ERAP1: variants seen among roughly 807,000 people sequenced by gnomAD.
ERAP1 encodes endoplasmic reticulum aminopeptidase 1.
A neutral mutation model predicts 103.7 loss-of-function variants in ERAP1; 86 were observed. The observed-to-expected ratio is 0.83, with a 90% CI of 0.70 to 0.99. The LOEUF (loss-of-function observed/expected upper bound fraction) is 0.99, where lower values mean the gene tolerates loss of function less well. Among genes scored for constraint, ERAP1 ranks in the 50% least tolerant of loss-of-function variants. The pLI is 0.00. For missense variants in ERAP1, 1,009 were observed against 1,128.4 expected, an observed-to-expected ratio of 0.89 and a Z score of 1.52; for synonymous variants, 398 against 402.4, an observed-to-expected ratio of 0.99 and a Z score of 0.13.
chr5:96,868,370 A>G, the ERAP1 span, among the ~76,000 whole-genome samples: 2 of 152,206 alleles, frequency 1.3e-5, no homozygotes, highest in African/African-American at 4.8e-5. Flanking sequence ...CCACTCCTTC[A>G]GTAGAGCATT....
chr5:96,917,655 C>T, the ERAP1 span: 5 of 1,491,664 alleles, frequency 3.4e-6, no homozygotes, highest in Non-Finnish European at 4.6e-6. Flanking sequence ...GCCTGTAATC[C>T]CAGCACTTTG....
rs771845247 is a variant in ERAP1, at chr5:96,803,709, G to T, written c.218C>A (p.Thr73Lys). The change falls in exon 2 of 19, where the codon ACG (threonine) becomes AAG (lysine). Residue 73 changes from threonine (T) to lysine (K), a missense_variant. Around this residue, in one of 3 missense-constraint regions of ERAP1, gnomAD observed 392 missense variants for 455.2 expected, o/e 0.86. Transcript: ENST00000443439. ...TTTCGTGGTTCCCCAGAAGGTCAGCGTGGTAAGGTTTGCATGGATCAAGAG... is the reference window on the plus strand; with the variant it reads ...TTTCGTGGTTCCCCAGAAGGTCAGCTTGGTAAGGTTTGCATGGATCAAGAG... ...YDLLIHANLT[T>K]LTFWGTTKVE... 3.7e-6 allele frequency: 6 copies of T among 1,614,096 alleles called. No individual in the cohort carries two copies. The highest frequency in any genetic ancestry group is 5.1e-6 in the Non-Finnish European group (6 of 1,180,052).
chr5:96,909,645 C>G, the ERAP1 span: 1 of 1,614,210 alleles, frequency 6.2e-7, no homozygotes, highest in Admixed American at 1.7e-5. Flanking sequence ...AGGGCTCAGT[C>G]TGGGACAGGA....
chr5:96,866,793 A>C, the ERAP1 span, among the ~76,000 whole-genome samples: 1 of 152,184 alleles, frequency 6.6e-6, no homozygotes, highest in African/African-American at 2.4e-5. Flanking sequence ...AAACAGGAGA[A>C]GAAGAAGTCA....
chr5:96,896,241 A>C, the ERAP1 span: 1 of 694,572 alleles, frequency 1.4e-6, no homozygotes, highest in Non-Finnish European at 2.3e-6. Flanking sequence ...TACATACAAG[A>C]AAAGAAACAT....
intron 1 of ERAP1, chr5:96,804,588 T>G (rs1025555695): frequency 6.5e-6 from 1 of 154,754 alleles, no homozygotes; most frequent in Non-Finnish European, 1.4e-5. Flanking sequence ...TTAAAGAGCT[T>G]AATTTTCCCA....
chr5:96,816,613 A>G, the ERAP1 span, among the ~76,000 whole-genome samples: 2 of 152,126 alleles, frequency 1.3e-5, no homozygotes, highest in Admixed American at 6.5e-5. Flanking sequence ...GGCACCTCCC[A>G]CCATGGGTTT....
rs894057539 is a variant in ERAP1 at position 96,775,815 on chromosome 5, T to G, written c.*581A>C. The G allele has an allele frequency of 4.2e-5, 15 of 359,054 alleles. No homozygotes were observed. Among genetic ancestry groups the G allele is most frequent in the Admixed American group, 6.3e-5 (1 of 15,940 alleles). 22.2% of individuals were successfully genotyped at this position (359,054 alleles called of 1,614,324 possible). Reference sequence around the variant, plus strand: ...AAGAACACCTCCACCTACTACCTCCTCCGACCCCAGCTCCAGCTCTCCGGC... The same window carrying G: ...AAGAACACCTCCACCTACTACCTCCGCCGACCCCAGCTCCAGCTCTCCGGC... On this transcript the variant is annotated 3_prime_UTR_variant, in exon 19 of 19. Coordinates refer to ENST00000443439, the MANE Select transcript of ERAP1 (RefSeq NM_001040458.3).
At chr5:96,896,121 G>A in the ERAP1 span, among the ~76,000 whole-genome samples, 1 of 152,096 alleles carries the variant, frequency 6.6e-6, no homozygotes, top group East Asian at 1.9e-4. Flanking sequence ...CTGTATTCAA[G>A]GGCTGGTACA....
chr5:96,855,470 GA>G, the ERAP1 span, among the ~76,000 whole-genome samples: 1 of 151,772 alleles, frequency 6.6e-6, no homozygotes, highest in Non-Finnish European at 1.5e-5. Context: ...TTGGAGAAAA[GA>G]AAAAAAACCC....
chr5:96,783,118 A>AGTT lies in ERAP1; in HGVS notation c.2215_2217dup (p.Asn739dup). 6.2e-7 allele frequency: 1 copy of AGTT among 1,614,180 alleles called. No individual in the cohort carries two copies. Among genetic ancestry groups the AGTT allele is most frequent in the Non-Finnish European group, 8.5e-7 (1 of 1,180,042 alleles). On this transcript the variant is annotated inframe_insertion, in exon 15 of 19. Transcript: ENST00000443439. ...TCTGCCCTCTGTACGCACGGCTGATAGTTGTGCACACAGGCGAGGAGTAGT... is the reference window on the plus strand; with the variant it reads ...TCTGCCCTCTGTACGCACGGCTGATAGTTGTTGTGCACACAGGCGAGGAGTAGT...
chr5:96,779,366 T>G (rs3335), intron 18 of ERAP1: 13,813 of 152,284 alleles, frequency 0.091, 826 homozygotes, highest in Middle Eastern at 0.16. Context: ...GCTTTGGACA[T>G]CTCTTCAGTC....
the ERAP1 span, among the ~76,000 whole-genome samples, chr5:96,889,831 TACACACAC>T: frequency 0.39 from 58,041 of 148,642 alleles, 11,402 homozygotes; most frequent in East Asian, 0.46. Context: ...AAAAAATACA[TACACACAC>T]ACACACACAC....
At position 96,776,213 on chromosome 5, in the gene ERAP1, A is replaced by T; in HGVS notation, c.*183T>A. ...GCAACACCTGTGATGAACAAAACAC[A>T]TGGTAGCGATAGCCCATTCATGAAA... is the stretch of plus-strand genomic sequence containing the variant. On this transcript the variant is annotated 3_prime_UTR_variant, in exon 19 of 19. Transcript: ENST00000443439. The T allele has an allele frequency of 6.6e-7, 1 of 1,510,410 alleles. No homozygotes were observed. The highest frequency in any genetic ancestry group is 1.7e-4 in the Middle Eastern group (1 of 5,860). 93.6% of individuals were successfully genotyped at this position (1,510,410 alleles called of 1,614,324 possible). A position where few individuals can be genotyped will look rare whatever the true frequency, so the allele number is the denominator to read the frequency against.
downstream of ERAP1, chr5:96,772,382 A>G (rs1470547154): frequency 6.5e-6 from 1 of 152,844 alleles, no homozygotes; most frequent in Non-Finnish European, 1.5e-5. Context: ...AAATCAAAGT[A>G]TAGGTTAAAT....
At chr5:96,868,837 T>C in the ERAP1 span, among the ~76,000 whole-genome samples, 2 of 152,200 alleles carry the variant, frequency 1.3e-5, no homozygotes, top group African/African-American at 4.8e-5. Flanking sequence ...AATGCATAGT[T>C]ATTCAAGCAT....
At chr5:96,796,359 C>A (rs908089219) in intron 4 of ERAP1, among the ~76,000 whole-genome samples, 1 of 152,198 alleles carries the variant, frequency 6.6e-6, no homozygotes, top group African/African-American at 2.4e-5. Flanking sequence ...ACAAGTGTGC[C>A]TTGAAACAAG....
At chr5:96,832,727 C>T in the ERAP1 span, among the ~76,000 whole-genome samples, 1 of 152,164 alleles carries the variant, frequency 6.6e-6, no homozygotes, top group African/African-American at 2.4e-5. Context: ...TAGCAGATAT[C>T]ATTGTACGTA....
At chr5:96,856,676 G>A in the ERAP1 span, among the ~76,000 whole-genome samples, 2 of 151,930 alleles carry the variant, frequency 1.3e-5, no homozygotes, top group Non-Finnish European at 2.9e-5. Context: ...CTGGCCTTTG[G>A]CCATAGATCC....
Sources: gnomAD v4.1 joint callset for allele counts (sites outside exome capture counted in the v4.1 genomes callset) on GRCh38, gnomAD v4.1.1 for gene constraint, gnomAD v4.1.1 regional missense constraint, MANE v1.5 for transcripts, NCBI Gene and HGNC (gene_info 2026-07-23, HGNC 2026-07-21) for gene names.